The following SAC3D1 variants were observed in gnomAD, a reference collection of about 807,000 sequenced individuals.
The protein encoded by SAC3D1 is SAC3 domain containing 1, also known as SAC3 domain-containing protein 1.
Under a neutral mutation model 12.7 loss-of-function variants are expected in SAC3D1, and 10 were observed. The ratio of observed to expected loss-of-function variants is 0.79; its 90% confidence interval spans 0.49 to 1.34. The LOEUF (loss-of-function observed/expected upper bound fraction) is 1.34, where lower values mean the gene tolerates loss of function less well. Ranked by LOEUF, SAC3D1 falls within the 40% of genes most tolerant of loss-of-function variation. The probability of loss-of-function intolerance (pLI) is 0.00; values close to 1 mark genes in which losing one functional copy is unlikely to be tolerated. For synonymous variants in SAC3D1, 241 were observed against 250.8 expected, an observed-to-expected ratio of 0.96 and a Z score of 0.37; for missense variants, 482 against 531.1, an observed-to-expected ratio of 0.91 and a Z score of 0.91.
Position 65,041,229 on chromosome 11 carries a change from T to A in SAC3D1, c.-64T>A. On this transcript the variant is annotated 5_prime_UTR_variant, in exon 1 of 2. Transcript: ENST00000652489. Reference sequence around the variant, plus strand: ...TCCCCACCCCCCGGCCGGCCTCGCGTGCCTTCCCGCAGCACTGCCGTCCCC... The same window carrying A: ...TCCCCACCCCCCGGCCGGCCTCGCGAGCCTTCCCGCAGCACTGCCGTCCCC... The A allele has an allele frequency of 4.2e-6, 6 of 1,427,698 alleles. No individual in the cohort carries two copies. The highest frequency in any genetic ancestry group is 5.5e-6 in the Non-Finnish European group (6 of 1,086,268). 88.4% of individuals were successfully genotyped at this position (1,427,698 alleles called of 1,614,324 possible). A position where few individuals can be genotyped will look rare whatever the true frequency, so the allele number is the denominator to read the frequency against.
In SAC3D1 at chr11:65,041,872, T is replaced by G; in HGVS notation, c.574+6T>G. 7.0e-7 allele frequency: 1 copy of G among 1,433,702 alleles called. No homozygotes were observed. Among genetic ancestry groups the G allele is most frequent in the Non-Finnish European group, 9.1e-7 (1 of 1,100,990 alleles). The allele number at this position is 1,433,702 out of a possible 1,614,324, so 88.8% of individuals were successfully genotyped here. A position where few individuals can be genotyped will look rare whatever the true frequency, so the allele number is the denominator to read the frequency against. Reference sequence around the variant, plus strand: ...CTTTCTGCTCTATAACCTGGGTGAGTCGGGATCCTGGCGGCTGGGCAGAGC... The same window carrying G: ...CTTTCTGCTCTATAACCTGGGTGAGGCGGGATCCTGGCGGCTGGGCAGAGC... On this transcript the variant is annotated splice_donor_region_variant and intron_variant, in intron 1 of 1. Transcript: ENST00000652489.
chr11:65,043,241 G>T, intron 1 of SAC3D1: 1 of 240,812 alleles, frequency 4.2e-6, no homozygotes, highest in Non-Finnish European at 8.6e-6. Context: ...ACACAGCACT[G>T]GTTAACAGTA....
chr11:65,041,820 C>T lies in SAC3D1; in HGVS notation c.528C>T (p.His176=), dbSNP rs1203110617. ...RRCYARGAGP[H]PRQPAFQGLF... ...GCTACGCGCGGGGCGCCGGGCCGCA[C>T]CCCCGCCAACCCGCCTTCCAGGGCC... Residue 176 remains histidine (H), a synonymous_variant, in exon 1 of 2, where the codon CAC becomes CAT. Coordinates refer to ENST00000652489, the MANE Select transcript of SAC3D1 (RefSeq NM_013299.4). 9.5e-6 allele frequency: 14 copies of T among 1,466,662 alleles called. No homozygotes were observed. The highest frequency in any genetic ancestry group is 2.2e-4 in the Middle Eastern group (1 of 4,584). 90.9% of individuals were successfully genotyped at this position (1,466,662 alleles called of 1,614,324 possible).
rs370061643 is a variant in SAC3D1, at chr11:65,044,592, C to G, written c.942C>G (p.Tyr314Ter). The change falls in exon 2 of 2, where the codon TAC (tyrosine) becomes TAG (stop). Residue 314 changes from tyrosine to a stop codon, truncating the protein, a stop_gained. Coordinates refer to ENST00000652489, the MANE Select transcript of SAC3D1 (RefSeq NM_013299.4). LOFTEE classifies it low-confidence loss of function (END_TRUNC). The surrounding 1 kb of genome is among the most constrained non-coding windows in gnomAD (Gnocchi z 4.0). ...GAGTTGTGTTCCTGAGGGGTCGCTA[C>G]GTGGAGGAAGGGCTACCGCCTGCCA... ...EERVVFLRGRYVEEGLPPAST... is the reference protein window; with the variant it reads ...EERVVFLRGR 4 of 1,613,920 alleles carry G rather than the reference C, an allele frequency of 2.5e-6. No homozygotes were observed. Among genetic ancestry groups the G allele is most frequent in the Non-Finnish European group, 3.4e-6 (4 of 1,180,042 alleles).
intron 1 of SAC3D1, among the ~76,000 whole-genome samples, chr11:65,043,821 G>C (rs2136957370): frequency 6.6e-6 from 1 of 152,188 alleles, no homozygotes. Flanking sequence ...GGGAAAGTGG[G>C]GCAGAGTTGG....
intron 1 of SAC3D1, among the ~76,000 whole-genome samples, chr11:65,043,939 C>A (rs1565211802): frequency 6.6e-6 from 1 of 152,158 alleles, no homozygotes; most frequent in Non-Finnish European, 1.5e-5. Flanking sequence ...CACTCTCAGG[C>A]GAATCATTCA....
chr11:65,043,904 G>T (rs1299600129), intron 1 of SAC3D1, among the ~76,000 whole-genome samples: 1 of 152,176 alleles, frequency 6.6e-6, no homozygotes, highest in Non-Finnish European at 1.5e-5. Context: ...CTGGGGTCAG[G>T]CTCAACTACA....
rs188198018 is a variant in SAC3D1 at position 65,044,133 on chromosome 11, C to T, written c.575-92C>T. On this transcript the variant is annotated intron_variant, in intron 1 of 1. Coordinates refer to ENST00000652489, the MANE Select transcript of SAC3D1 (RefSeq NM_013299.4). This position sits in a 1 kb window ranked among gnomAD's most constrained non-coding sequence, Gnocchi z 4.0. ...GCTAGGCCTAGAGAAGGGGCGTGGT[C>T]GAGGAGAGAGGAAGGACAGGGTGTT... 4.8e-6 allele frequency: 7 copies of T among 1,465,346 alleles called. No individual in the cohort carries two copies. Among genetic ancestry groups the T allele is most frequent in the Admixed American group, 1.9e-5 (1 of 52,494 alleles). 90.8% of individuals were successfully genotyped at this position (1,465,346 alleles called of 1,614,324 possible).
In SAC3D1 at chr11:65,044,543, G is replaced by T. The variant is rs772114864; in HGVS notation, c.893G>T (p.Gly298Val). Residue 298 changes from glycine to valine, a missense_variant, in exon 2 of 2, where the codon GGG (glycine) becomes GTG (valine). Transcript: ENST00000652489. The surrounding 1 kb of genome is among the most constrained non-coding windows in gnomAD (Gnocchi z 4.0). ...GCACGGGACCTGTGCCAGGCCCACG[G>T]GCTGCCCTTGGACGGAGAGGAGAGA... ...REARDLCQAHGLPLDGEERVV... is the reference protein window; with the variant it reads ...REARDLCQAHVLPLDGEERVV... 6.2e-7 allele frequency: 1 copy of T among 1,614,206 alleles called. No individual in the cohort carries two copies. Among genetic ancestry groups the T allele is most frequent in the East Asian group, 2.2e-5 (1 of 44,884 alleles).
At chr11:65,042,242 C>T (rs1411697747) in intron 1 of SAC3D1, among the ~76,000 whole-genome samples, 1 of 151,882 alleles carries the variant, frequency 6.6e-6, no homozygotes, top group Non-Finnish European at 1.5e-5. Flanking sequence ...GGATCACAGG[C>T]GCGCGCCACC....
In SAC3D1 at chr11:65,041,742, C is replaced by T; in HGVS notation, c.450C>T (p.Asp150=). Residue 150 remains aspartate, a synonymous_variant, in exon 1 of 2, where the codon GAC becomes GAT. Transcript: ENST00000652489. ...CCGACGCGGCGCGGGGACCCGCGGA[C>T]CCGGTGCTGCTGCAGGCCCAGGTGC... ...LGPDAARGPA[D]PVLLQAQVQE... is the part of the protein sequence containing the mutation. 1 of 1,314,792 alleles carries T rather than the reference C, an allele frequency of 7.6e-7. No individual in the cohort carries two copies. Among genetic ancestry groups the T allele is most frequent in the South Asian group, 2.2e-5 (1 of 45,008 alleles). 81.4% of individuals were successfully genotyped at this position (1,314,792 alleles called of 1,614,324 possible).
At chr11:65,043,944 C>A (rs150211605) in intron 1 of SAC3D1, among the ~76,000 whole-genome samples, 12 of 152,340 alleles carry the variant, frequency 7.9e-5, no homozygotes, top group Non-Finnish European at 1.5e-4. Context: ...TCAGGCGAAT[C>A]ATTCAATTAT....
chr11:65,043,016 T>G (rs1298384668), intron 1 of SAC3D1: 1 of 434,236 alleles, frequency 2.3e-6, no homozygotes, highest in Admixed American at 2.5e-5. Context: ...AAAAAAATTT[T>G]TTTTGTAGAG....
At position 65,044,321 on chromosome 11, in the gene SAC3D1, G is replaced by A. The variant is rs780947705; in HGVS notation, c.671G>A (p.Arg224Gln). The change falls in exon 2 of 2, where the codon CGA (arginine) becomes CAA (glutamine). Residue 224 changes from arginine (R) to glutamine (Q), a missense_variant. Around this residue, in one of 3 missense-constraint regions of SAC3D1, gnomAD observed 225 missense variants for 241.1 expected, o/e 0.93. Transcript: ENST00000652489. The surrounding 1 kb of genome is among the most constrained non-coding windows in gnomAD (Gnocchi z 4.0). The stretch of plus-strand genomic sequence containing the variant: ...GCCTTGGCGGTAGATGCTGCCTTCC[G>A]AGAGGGCAATGCTGCCCGCCTGTTC... Reference protein sequence around the residue: ...RKALAVDAAFREGNAARLFRL... With the variant: ...RKALAVDAAFQEGNAARLFRL... 1.2e-5 allele frequency: 19 copies of A among 1,613,234 alleles called. No homozygotes were observed. The highest frequency in any genetic ancestry group is 1.0e-4 in the Admixed American group (6 of 60,014).
chr11:65,041,872 T>C lies in SAC3D1; in HGVS notation c.574+6T>C. 7.0e-7 allele frequency: 1 copy of C among 1,433,702 alleles called. No homozygotes were observed. The highest frequency in any genetic ancestry group is 3.0e-5 in the Admixed American group (1 of 33,218). 88.8% of individuals were successfully genotyped at this position (1,433,702 alleles called of 1,614,324 possible). A position where few individuals can be genotyped will look rare whatever the true frequency, so the allele number is the denominator to read the frequency against. On this transcript the variant is annotated splice_donor_region_variant and intron_variant, in intron 1 of 1. Coordinates refer to ENST00000652489, the MANE Select transcript of SAC3D1 (RefSeq NM_013299.4). ...CTTTCTGCTCTATAACCTGGGTGAGTCGGGATCCTGGCGGCTGGGCAGAGC... is the reference window on the plus strand; with the variant it reads ...CTTTCTGCTCTATAACCTGGGTGAGCCGGGATCCTGGCGGCTGGGCAGAGC...
At position 65,041,299 on chromosome 11, in the gene SAC3D1, G is replaced by A. The variant is rs764806919; in HGVS notation, c.7G>A (p.Gly3Ser). MP[G>S]CELPVGTCPD... ...GTCTCCCCGCAGCCCCCTCATGCCCGGCTGCGAGCTGCCCGTGGGCACCTG... is the reference window on the plus strand; with the variant it reads ...GTCTCCCCGCAGCCCCCTCATGCCCAGCTGCGAGCTGCCCGTGGGCACCTG... The change falls in exon 1 of 2, where the codon GGC (glycine) becomes AGC (serine). Residue 3 changes from glycine (G) to serine (S), a missense_variant. Around this residue, in one of 3 missense-constraint regions of SAC3D1, gnomAD observed 197 missense variants for 183.2 expected, o/e 1.08. Coordinates refer to ENST00000652489, the MANE Select transcript of SAC3D1 (RefSeq NM_013299.4). 1.3e-6 allele frequency: 2 copies of A among 1,502,278 alleles called. No homozygotes were observed. The highest frequency in any genetic ancestry group is 1.8e-6 in the Non-Finnish European group (2 of 1,133,448). The allele number at this position is 1,502,278 out of a possible 1,614,324, so 93.1% of individuals were successfully genotyped here.
intron 1 of SAC3D1, among the ~76,000 whole-genome samples, chr11:65,042,310 T>C (rs977706642): frequency 8.5e-5 from 13 of 152,216 alleles, no homozygotes; most frequent in Non-Finnish European, 1.8e-4. Context: ...TTGGTCAGGC[T>C]GGTCTCGAAC....
rs772956492 is a variant in SAC3D1, at chr11:65,044,629, G to A, written c.979G>A (p.Val327Met). 13 of 1,613,874 alleles carry A rather than the reference G, an allele frequency of 8.1e-6. No individual in the cohort carries two copies. The Admixed American group carries it at 1.0e-4, about 12-fold the overall frequency. Reference protein sequence around the residue: ...EGLPPASTCKVLVESKLRGRT... With the variant: ...EGLPPASTCKMLVESKLRGRT... ...GCTACCGCCTGCCAGTACGTGCAAG[G>A]TGTTAGTGGAGAGCAAACTTCGAGG... Residue 327 changes from valine (V) to methionine (M), a missense_variant, in exon 2 of 2, where the codon GTG (valine) becomes ATG (methionine). This residue lies in a region of SAC3D1 where 225 missense variants were observed against 241.1 expected (regional missense o/e 0.93). Transcript: ENST00000652489. The surrounding 1 kb of genome is among the most constrained non-coding windows in gnomAD (Gnocchi z 4.0).
Position 65,044,448 on chromosome 11 carries a change from C to T in SAC3D1, c.798C>T (p.Ser266=). Residue 266 remains serine, a synonymous_variant, in exon 2 of 2, where the codon AGC becomes AGT. Transcript: ENST00000652489. The surrounding 1 kb of genome is among the most constrained non-coding windows in gnomAD (Gnocchi z 4.0). ...EALARFARAF[S]TPKGQTLPLG... ...TGGCCCGCTTCGCTCGTGCCTTTAG[C>T]ACCCCCAAGGGCCAGACCTTGCCTC... is the stretch of plus-strand genomic sequence containing the variant. The T allele has an allele frequency of 6.2e-7, 1 of 1,613,970 alleles. No homozygotes were observed. The highest frequency in any genetic ancestry group is 8.5e-7 in the Non-Finnish European group (1 of 1,180,050).
Sources: allele counts gnomAD v4.1 joint callset (sites outside exome capture counted in the v4.1 genomes callset), GRCh38; gene constraint gnomAD v4.1.1; regional missense constraint gnomAD v4.1.1; non-coding constraint Gnocchi (gnomAD v3.1); transcripts MANE v1.5; gene names NCBI Gene and HGNC (gene_info 2026-07-23, HGNC 2026-07-21).